STYXL2: variants seen among roughly 807,000 people sequenced by gnomAD.
STYXL2 encodes the protein serine/threonine/tyrosine interacting like 2, also known as serine/threonine/tyrosine-interacting-like protein 2.
In STYXL2, 44 loss-of-function variants were observed where a neutral mutation model predicts 52.4. The observed-to-expected ratio is 0.84, with a 90% CI of 0.66 to 1.08. The LOEUF (loss-of-function observed/expected upper bound fraction) is 1.08, where lower values mean the gene tolerates loss of function less well. STYXL2 is among the 50% of genes least tolerant of loss of function. The pLI, the probability that STYXL2 is intolerant of heterozygous loss-of-function variation, is 0.00. For synonymous variants in STYXL2, 604 were observed against 586.9 expected (o/e 1.03, Z -0.42); for missense variants, 1,604 against 1,471.7 (o/e 1.09, Z -1.47).
At chr1:167,111,653 C>T (rs1667626068) in intron 2 of STYXL2, among the ~76,000 whole-genome samples, 2 of 151,480 alleles carry the variant, frequency 1.3e-5, no homozygotes, top group South Asian at 2.1e-4. Flanking sequence ...GAATGGAAAA[C>T]CAAACATTGT....
At chr1:167,096,059 C>A (rs1211800230) in intron 2 of STYXL2, among the ~76,000 whole-genome samples, 1 of 151,944 alleles carries the variant, frequency 6.6e-6, no homozygotes, top group Non-Finnish European at 1.5e-5. Context: ...GGAGATCAAG[C>A]CCAGCCTGGC....
intron 4 of STYXL2, 134 bp downstream of exon 4, chr1:167,117,693 C>T (rs1322910812): frequency 2.7e-6 from 2 of 742,008 alleles, no homozygotes; most frequent in Non-Finnish European, 4.4e-6. Context: ...AGCCACTTAC[C>T]CTGCCCCAGC....
At chr1:167,107,021 C>T (rs7538944) in intron 2 of STYXL2, among the ~76,000 whole-genome samples, 27,602 of 152,028 alleles carry the variant, frequency 0.18, 2,673 homozygotes, top group Middle Eastern at 0.23. Flanking sequence ...AGGACTTGAC[C>T]GGGCAGTTTT....
At chr1:167,099,631 T>C (rs903620364) in intron 2 of STYXL2, among the ~76,000 whole-genome samples, 1 of 152,192 alleles carries the variant, frequency 6.6e-6, no homozygotes, top group Non-Finnish European at 1.5e-5. Flanking sequence ...ATAGCAAATA[T>C]TAATGAAGAT....
Position 167,099,142 on chromosome 1 carries a change from A to G in STYXL2, c.110+4183A>G, listed in dbSNP as rs1667352267. On this transcript the variant is annotated intron_variant, in intron 2 of 5. Transcript: ENST00000361200. ...AAAGATAAAATAATTTTCAATTTCT[A>G]TGTTTAATAACACAGCCTCAAAATA... 2.0e-5 allele frequency among the ~76,000 whole-genome samples: 3 copies of G among 152,338 alleles called. No homozygotes were observed. In the South Asian group the frequency reaches 6.2e-4, roughly 32 times the overall value.
Position 167,113,546 on chromosome 1 carries a change from C to T in STYXL2, c.111-164C>T, listed in dbSNP as rs72691526. On this transcript the variant is annotated intron_variant, in intron 2 of 5. Coordinates refer to ENST00000361200, the MANE Select transcript of STYXL2 (RefSeq NM_001080426.3). ...GGGTGGGCATCTGAGTCACATGATA[C>T]CCAGTGTTCTGTATTCTTGGGTCCT... Among the ~76,000 whole-genome samples the T allele has an allele frequency of 5.3e-3, 807 of 152,274 alleles. 4 individuals are homozygous for T. The highest frequency in any genetic ancestry group is 0.027 in the Middle Eastern group (8 of 294).
At position 167,126,248 on chromosome 1, in the gene STYXL2, C is replaced by T. The variant is rs760225047; in HGVS notation, c.1117C>T (p.Arg373Cys). The part of the protein sequence containing the change: ...DKVPQDGGGW[R>C]SASSGQGGEE... ...GGTCCCCCAGGATGGAGGTGGCTGG[C>T]GCTCAGCCTCCTCTGGCCAGGGTGG... Residue 373 changes from arginine to cysteine, a missense_variant, in exon 6 of 6, where the codon CGC (arginine) becomes TGC (cysteine). Physicochemically the swap from Arg to Cys is radical, Grantham distance 180. Coordinates refer to ENST00000361200, the MANE Select transcript of STYXL2 (RefSeq NM_001080426.3). 4 of 1,542,574 alleles carry T rather than the reference C, an allele frequency of 2.6e-6. No homozygotes were observed. Among genetic ancestry groups the T allele is most frequent in the African/African-American group, 1.4e-5 (1 of 72,972 alleles).
Position 167,126,655 on chromosome 1 carries a change from C to T in STYXL2, c.1524C>T (p.Ser508=), listed in dbSNP as rs748499718. 6.2e-7 allele frequency: 1 copy of T among 1,614,110 alleles called. No homozygotes were observed. The highest frequency in any genetic ancestry group is 1.1e-5 in the South Asian group (1 of 91,076). The change falls in exon 6 of 6, where the codon AGC becomes AGT. Residue 508 remains serine, a synonymous_variant. Transcript: ENST00000361200. The part of the protein sequence containing the change: ...KSKREEAADR[S]SEAGSRVRED... ...AGAGAGAGGAGGCGGCAGACAGGAG[C>T]TCAGAAGCAGGGAGCAGGGTGCGGG...
At chr1:167,104,000 A>G (rs1033033011) in intron 2 of STYXL2, among the ~76,000 whole-genome samples, 6 of 152,010 alleles carry the variant, frequency 3.9e-5, no homozygotes, top group Admixed American at 3.9e-4. Flanking sequence ...GGCGCCTGTA[A>G]TCCCAGCTGC....
At position 167,128,068 on chromosome 1, in the gene STYXL2, G is replaced by A; in HGVS notation, c.2937G>A (p.Lys979=). ...RETESKSSSY[K]FSKSQSEEQD... Reference sequence around the variant, plus strand: ...CAGAGTCTAAATCCTCCAGTTACAAGTTTTCCAAATCCCAGTCAGAGGAAC... The same window carrying A: ...CAGAGTCTAAATCCTCCAGTTACAAATTTTCCAAATCCCAGTCAGAGGAAC... The change falls in exon 6 of 6, where the codon AAG becomes AAA. Residue 979 remains lysine, a synonymous_variant. Transcript: ENST00000361200. 1 of 1,614,204 alleles carries A rather than the reference G, an allele frequency of 6.2e-7. No individual in the cohort carries two copies.
intron 2 of STYXL2, among the ~76,000 whole-genome samples, chr1:167,096,950 A>G (rs1293529127): frequency 1.3e-5 from 2 of 152,210 alleles, no homozygotes; most frequent in Admixed American, 1.3e-4. Context: ...CCTGAATGCA[A>G]CACATTATGG....
intron 2 of STYXL2, among the ~76,000 whole-genome samples, chr1:167,108,338 G>A (rs886835307): frequency 6.6e-6 from 1 of 152,096 alleles, no homozygotes; most frequent in Non-Finnish European, 1.5e-5. Flanking sequence ...CCCCCACTAG[G>A]TGTTTAAGTC....
At chr1:167,107,459 T>G (rs6701030) in intron 2 of STYXL2, among the ~76,000 whole-genome samples, 1 of 151,956 alleles carries the variant, frequency 6.6e-6, no homozygotes, top group African/African-American at 2.4e-5. Flanking sequence ...ATTGTATACC[T>G]CTTGGCCTCT....
At chr1:167,102,714 T>C (rs941252725) in intron 2 of STYXL2, among the ~76,000 whole-genome samples, 1 of 152,216 alleles carries the variant, frequency 6.6e-6, no homozygotes, top group East Asian at 1.9e-4. Flanking sequence ...AAGCAGAGTA[T>C]CACTTACTGA....
chr1:167,108,308 C>T (rs6691515), intron 2 of STYXL2, among the ~76,000 whole-genome samples: 49,317 of 151,990 alleles, frequency 0.32, 9,100 homozygotes, highest in East Asian at 0.73. Context: ...TAATCTGTAC[C>T]TTTATAGAGC....
intron 5 of STYXL2, among the ~76,000 whole-genome samples, chr1:167,119,775 T>C (rs906377771): frequency 6.6e-6 from 1 of 152,088 alleles, no homozygotes; most frequent in African/African-American, 2.4e-5. Context: ...CAGATGGTGA[T>C]AAGTGTGAGG....
chr1:167,109,983 ACCTC>A (rs1425585026), intron 2 of STYXL2, among the ~76,000 whole-genome samples: 1 of 151,880 alleles, frequency 6.6e-6, no homozygotes, highest in Non-Finnish European at 1.5e-5. Context: ...CTCCCCTACT[ACCTC>A]CACTGGAGCA....
At chr1:167,115,964 C>G (rs937153499) in intron 3 of STYXL2, among the ~76,000 whole-genome samples, 1 of 152,128 alleles carries the variant, frequency 6.6e-6, no homozygotes, top group Admixed American at 6.5e-5. Context: ...TTACAGACCC[C>G]TGGGAGGAGC....
At chr1:167,107,538 G>C (rs1409040651) in intron 2 of STYXL2, among the ~76,000 whole-genome samples, 1 of 152,218 alleles carries the variant, frequency 6.6e-6, no homozygotes, top group Non-Finnish European at 1.5e-5. Flanking sequence ...CTTACTACTG[G>C]TGTCCCAGTA....
Sources: allele counts gnomAD v4.1 joint callset (sites outside exome capture counted in the v4.1 genomes callset), GRCh38; gene constraint gnomAD v4.1.1; transcripts MANE v1.5; gene names NCBI Gene and HGNC (gene_info 2026-07-23, HGNC 2026-07-21).